ANK1: variants seen among roughly 807,000 people sequenced by gnomAD.
The protein encoded by ANK1 is ankyrin 1, also known as ankyrin-1.
In ANK1, 51 loss-of-function variants were observed where a neutral mutation model predicts 210.4. The ratio of observed to expected loss-of-function variants is 0.24; its 90% CI spans 0.19 to 0.31. ANK1 has a LOEUF of 0.31. Ranked by LOEUF, ANK1 falls within the 10% of genes least tolerant of loss-of-function variation. ANK1 has a pLI of 1.00. For synonymous variants in ANK1, 967 were observed against 1,025.9 expected, an observed-to-expected ratio of 0.94 and a Z score of 1.10; for missense variants, 2,051 against 2,504.4, an observed-to-expected ratio of 0.82 and a Z score of 3.86.
chr8:41,802,012 T>TG (rs1849946354), upstream of ANK1, among the ~76,000 whole-genome samples: 13 of 152,312 alleles, frequency 8.5e-5, no homozygotes, highest in South Asian at 2.5e-3. Context: ...GTTTTTGAGA[T>TG]GGAGTCTTGC....
chr8:41,774,660 A>C (rs1233948633), intron 1 of ANK1, among the ~76,000 whole-genome samples: 3 of 152,238 alleles, frequency 2.0e-5, no homozygotes, highest in African/African-American at 7.2e-5. Flanking sequence ...GCTCTTCAAT[A>C]GTTCACATCT....
intron 1 of ANK1, among the ~76,000 whole-genome samples, chr8:41,861,298 T>C (rs1050946414): frequency 4.6e-5 from 7 of 152,162 alleles, no homozygotes; most frequent in African/African-American, 1.4e-4. Flanking sequence ...GCATTTCCCA[T>C]AGTGTGTTCT....
intron 2 of ANK1, among the ~76,000 whole-genome samples, chr8:41,744,153 G>A (rs1419716605): frequency 6.6e-6 from 1 of 152,184 alleles, no homozygotes; most frequent in African/African-American, 2.4e-5. Context: ...AGTCATGGGA[G>A]TATCAGGTTG....
chr8:41,834,080 T>C (rs1807174320), intron 1 of ANK1, among the ~76,000 whole-genome samples: 1 of 152,078 alleles, frequency 6.6e-6, no homozygotes, highest in South Asian at 2.1e-4. Context: ...AGGCCTAGCA[T>C]GATCAGCAGG....
intron 1 of ANK1, among the ~76,000 whole-genome samples, chr8:41,891,228 G>A (rs147294118): frequency 2.0e-5 from 3 of 152,146 alleles, no homozygotes; most frequent in Non-Finnish European, 2.9e-5. Context: ...GGACACACTC[G>A]CCACTACGTG....
chr8:41,674,169 A>T (rs182049649), intron 37 of ANK1, among the ~76,000 whole-genome samples: 1 of 152,124 alleles, frequency 6.6e-6, no homozygotes, highest in African/African-American at 2.4e-5. Flanking sequence ...GCTCCTGATC[A>T]CCTGCTCCCC....
chr8:41,714,322 G>C, intron 15 of ANK1, 68 bp from the exon 16 acceptor site: 1 of 1,233,624 alleles, frequency 8.1e-7, no homozygotes, highest in Non-Finnish European at 1.1e-6. Flanking sequence ...ACTCCCTTTA[G>C]GCATGGGAGC....
Position 41,661,568 on chromosome 8 carries a change from C to T in ANK1, c.5545-4G>A, listed in dbSNP as rs1457987292. On this transcript the variant is annotated splice_polypyrimidine_tract_variant and splice_region_variant and intron_variant, in intron 41 of 42. Transcript: ENST00000289734. Reference sequence around the variant, plus strand: ...GGCCACTCCCTCTCAGCTCCACCTGCAGACAGCAGCAGAGACAGAAAGCAG... The same window carrying T: ...GGCCACTCCCTCTCAGCTCCACCTGTAGACAGCAGCAGAGACAGAAAGCAG... The T allele has an allele frequency of 6.2e-7, 1 of 1,613,860 alleles. No individual in the cohort carries two copies.
At chr8:41,827,702 T>C (rs114929209) in intron 1 of ANK1, among the ~76,000 whole-genome samples, 1 of 122,990 alleles carries the variant, frequency 8.1e-6, no homozygotes, top group African/African-American at 3.1e-5. Context: ...TCACACACAC[T>C]CACACGCACA....
At chr8:41,683,696 G>A (rs1216286032) in intron 37 of ANK1, among the ~76,000 whole-genome samples, 2 of 152,244 alleles carry the variant, frequency 1.3e-5, no homozygotes, top group African/African-American at 4.8e-5. Context: ...AGGGGAGAGG[G>A]CTCAGTCATG....
At chr8:41,827,291 C>T (rs1173450099) in intron 1 of ANK1, among the ~76,000 whole-genome samples, 1 of 152,246 alleles carries the variant, frequency 6.6e-6, no homozygotes, top group Non-Finnish European at 1.5e-5. Flanking sequence ...TCACATCTTG[C>T]GTTTTCCTAA....
rs1003544296 is a variant in ANK1, at chr8:41,693,827, G to A, written c.3532+71C>T. ...GGGATTGCTGGCCTCGCCTTCTCGA[G>A]TCACCCCCCTACTGTGTTCCAGACG... On this transcript the variant is annotated intron_variant, in intron 29 of 42. Transcript: ENST00000289734. 5.2e-5 allele frequency: 79 copies of A among 1,513,808 alleles called. No homozygotes were observed. The Admixed American group carries it at 5.7e-4, about 11-fold the overall frequency. The allele number at this position is 1,513,808 out of a possible 1,614,324, so 93.8% of individuals were successfully genotyped here.
At chr8:41,703,439 TATATATATATA>T (rs1437981187) in intron 20 of ANK1, among the ~76,000 whole-genome samples, 20 of 73,038 alleles carry the variant, frequency 2.7e-4, no homozygotes, top group East Asian at 2.7e-3. Context: ...TATATATATA[TATATATATATA>T]TTTTTTTTTT....
rs935008931 is a variant in ANK1 at position 41,702,103 on chromosome 8, G to A, written c.2337C>T (p.Tyr779=). ...TPLAIAKRLG[Y]ISVTDVLKVV... ...CCTTGAGCACGTCGGTGACAGAAAT[G>A]TAGCCCAAGCGCTTGGCTATGGCCA... Residue 779 remains tyrosine (Y), a synonymous_variant, in exon 21 of 43, where the codon TAC becomes TAT. Coordinates refer to ENST00000289734, the MANE Select transcript of ANK1 (RefSeq NM_000037.4). 1 of 1,614,234 alleles carries A rather than the reference G, an allele frequency of 6.2e-7. No individual in the cohort carries two copies. The highest frequency in any genetic ancestry group is 8.5e-7 in the Non-Finnish European group (1 of 1,180,044).
intron 1 of ANK1, among the ~76,000 whole-genome samples, chr8:41,831,660 A>T (rs1403542815): frequency 4.3e-5 from 2 of 46,530 alleles, no homozygotes; most frequent in Non-Finnish European, 9.0e-5. Context: ...AAAAAAGAAG[A>T]AGAAAAAGAA....
At chr8:41,778,248 A>G (rs1316014762) in intron 1 of ANK1, among the ~76,000 whole-genome samples, 1 of 152,242 alleles carries the variant, frequency 6.6e-6, no homozygotes, top group Admixed American at 6.5e-5. Flanking sequence ...AAAATAGGAC[A>G]ATAAAAGGGT....
At chr8:41,826,740 T>A (rs895680099) in intron 1 of ANK1, among the ~76,000 whole-genome samples, 4 of 152,238 alleles carry the variant, frequency 2.6e-5, no homozygotes, top group Non-Finnish European at 5.9e-5. Context: ...ACATGAATAA[T>A]ACATGTTTTC....
chr8:41,767,784 C>T (rs1024871924), intron 1 of ANK1, among the ~76,000 whole-genome samples: 1 of 152,164 alleles, frequency 6.6e-6, no homozygotes, highest in African/African-American at 2.4e-5. Context: ...GAGCTCCAAG[C>T]TGCATGGCCT....
intron 16 of ANK1, among the ~76,000 whole-genome samples, chr8:41,710,787 C>A (rs1050022112): frequency 2.0e-5 from 3 of 152,180 alleles, no homozygotes; most frequent in Non-Finnish European, 4.4e-5. Context: ...ACCAACATTT[C>A]TGATTCTGCC....
Sources: gnomAD v4.1 joint callset for allele counts (sites outside exome capture counted in the v4.1 genomes callset) on GRCh38, gnomAD v4.1.1 for gene constraint, MANE v1.5 for transcripts, NCBI Gene and HGNC (gene_info 2026-07-23, HGNC 2026-07-21) for gene names.